Variants in ABHD17B observed in about 807,000 individuals in gnomAD.
ABHD17B encodes abhydrolase domain containing 17B, depalmitoylase, also known as alpha/beta hydrolase domain-containing protein 17B.
Under a neutral mutation model 26.2 loss-of-function variants are expected in ABHD17B, and 9 were observed. The observed-to-expected ratio is 0.34, with a 90% confidence interval of 0.21 to 0.60. The LOEUF (loss-of-function observed/expected upper bound fraction) is 0.60, where lower values mean the gene tolerates loss of function less well. Among genes scored for constraint, ABHD17B ranks in the 20% least tolerant of loss-of-function variants. The pLI is 0.80. For synonymous variants in ABHD17B, 127 were observed against 122.3 expected, an observed-to-expected ratio of 1.04 and a Z score of -0.25; for missense variants, 224 against 352.1, an observed-to-expected ratio of 0.64 and a Z score of 2.91.
intron 1 of ABHD17B, among the ~76,000 whole-genome samples, chr9:71,896,175 C>T (rs1467278524): frequency 6.6e-6 from 1 of 152,158 alleles, no homozygotes; most frequent in East Asian, 1.9e-4. Context: ...ATAAACCAAG[C>T]TGAATCTTAA....
chr9:71,878,337 A>G (rs75104735), intron 1 of ABHD17B, among the ~76,000 whole-genome samples: 12 of 152,306 alleles, frequency 7.9e-5, no homozygotes, highest in Admixed American at 5.2e-4. Context: ...AGAAAACAAC[A>G]AAATTTAATA....
intron 1 of ABHD17B, among the ~76,000 whole-genome samples, chr9:71,898,470 A>T: frequency 8.3e-6 from 1 of 119,948 alleles, no homozygotes; most frequent in East Asian, 2.7e-4. Context: ...CATCTCTACT[A>T]AAAAAAAAAA....
intron 1 of ABHD17B, among the ~76,000 whole-genome samples, chr9:71,899,213 G>A (rs1326678972): frequency 6.6e-6 from 1 of 152,126 alleles, no homozygotes; most frequent in Non-Finnish European, 1.5e-5. Context: ...GGGTAGGTGT[G>A]AAAAGTATTT....
chr9:71,874,788 T>C lies in ABHD17B; in HGVS notation c.293A>G (p.His98Arg), dbSNP rs763889864. ...TTGACCAAGATCAACAGCATTTCCA[T>C]GTGAGAAGAGTAAAGTGTATTTCGC... is the stretch of plus-strand genomic sequence containing the variant. ...PNAKYTLLFS[H>R]GNAVDLGQMS... Residue 98 changes from histidine (H) to arginine (R), a missense_variant, in exon 2 of 4, where the codon CAT becomes CGT. By Grantham distance (29) the His-to-Arg change is conservative. Coordinates refer to ENST00000333421, the MANE Select transcript of ABHD17B (RefSeq NM_001025780.3). The C allele has an allele frequency of 1.2e-6, 2 of 1,614,216 alleles. No homozygotes were observed. The highest frequency in any genetic ancestry group is 8.5e-7 in the Non-Finnish European group (1 of 1,180,034).
At chr9:71,875,122 G>T in intron 1 of ABHD17B, 39 bp from the exon 2 acceptor site, 1 of 1,477,870 alleles carries the variant, frequency 6.8e-7, no homozygotes, top group South Asian at 1.2e-5. Flanking sequence ...TTTAATAACT[G>T]AATGTAGACT....
intron 1 of ABHD17B, among the ~76,000 whole-genome samples, chr9:71,890,018 T>C (rs1826736029): frequency 1.3e-5 from 2 of 151,980 alleles, no homozygotes; most frequent in African/African-American, 2.4e-5. Flanking sequence ...CCCAGCACTT[T>C]AGGAAGCAGA....
chr9:71,909,150 C>T (rs1441059336), intron 1 of ABHD17B, among the ~76,000 whole-genome samples: 1 of 152,190 alleles, frequency 6.6e-6, no homozygotes, highest in Non-Finnish European at 1.5e-5. Flanking sequence ...GAATACTGCA[C>T]ACTAAGGGAC....
At chr9:71,876,360 T>C (rs1456726272) in intron 1 of ABHD17B, among the ~76,000 whole-genome samples, 2 of 152,190 alleles carry the variant, frequency 1.3e-5, no homozygotes, top group Non-Finnish European at 2.9e-5. Context: ...TGGTTGTGAA[T>C]ATCAAATGTT....
At chr9:71,872,787 T>C (rs374158551) in intron 2 of ABHD17B, among the ~76,000 whole-genome samples, 2 of 152,148 alleles carry the variant, frequency 1.3e-5, no homozygotes, top group Non-Finnish European at 1.5e-5. Flanking sequence ...TAAAAGATTT[T>C]TATTTAAAGC....
chr9:71,907,639 G>C (rs1187577999), intron 1 of ABHD17B, among the ~76,000 whole-genome samples: 1 of 152,072 alleles, frequency 6.6e-6, no homozygotes, highest in Non-Finnish European at 1.5e-5. Context: ...AGCCTCCCGA[G>C]TGGCTGGGAT....
chr9:71,887,602 A>G (rs751589634), intron 1 of ABHD17B, among the ~76,000 whole-genome samples: 2 of 152,252 alleles, frequency 1.3e-5, no homozygotes, highest in East Asian at 3.8e-4. Flanking sequence ...TACACAGCAT[A>G]GTATGAATAT....
At position 71,877,074 on chromosome 9, in the gene ABHD17B, C is replaced by G. The variant is rs11999173; in HGVS notation, c.-3-1991G>C. ...GCTGAGAATGATTCTAAGGCATACA[C>G]AGGGCTTAGCCAGCAAAAGATGTGA... On this transcript the variant is annotated intron_variant, in intron 1 of 3. Coordinates refer to ENST00000333421, the MANE Select transcript of ABHD17B (RefSeq NM_001025780.3). Among the ~76,000 whole-genome samples, 438 of 152,276 alleles carry G rather than the reference C, an allele frequency of 2.9e-3. 1 individual carries two copies. The highest frequency in any genetic ancestry group is 1.0e-2 in the African/African-American group (415 of 41,570).
At chr9:71,876,006 C>T (rs1470581839) in intron 1 of ABHD17B, among the ~76,000 whole-genome samples, 2 of 152,178 alleles carry the variant, frequency 1.3e-5, no homozygotes, top group Non-Finnish European at 2.9e-5. Flanking sequence ...ATTCAGAACA[C>T]GCTCAGAAGA....
At chr9:71,869,157 C>A (rs2132124878) in intron 3 of ABHD17B, among the ~76,000 whole-genome samples, 1 of 152,248 alleles carries the variant, frequency 6.6e-6, no homozygotes, top group Admixed American at 6.5e-5. Context: ...ACCCACATTA[C>A]CTGAAACAAA....
At chr9:71,902,175 C>T (rs1175927109) in intron 1 of ABHD17B, among the ~76,000 whole-genome samples, 2 of 152,176 alleles carry the variant, frequency 1.3e-5, no homozygotes, top group Non-Finnish European at 2.9e-5. Context: ...AGCTGTACTT[C>T]CTTCCGTAGG....
At chr9:71,880,864 C>G (rs1185610038) in intron 1 of ABHD17B, among the ~76,000 whole-genome samples, 2 of 151,498 alleles carry the variant, frequency 1.3e-5, no homozygotes, top group Non-Finnish European at 2.9e-5. Context: ...TAATTCCCAT[C>G]AAAATTCCAG....
intron 1 of ABHD17B, among the ~76,000 whole-genome samples, chr9:71,883,518 A>G (rs1826511996): frequency 6.6e-6 from 1 of 152,262 alleles, no homozygotes. Flanking sequence ...TCACTACATC[A>G]TGGAATACAG....
rs1825949613 is a variant in ABHD17B at position 71,866,077 on chromosome 9, A to G, written c.*710T>C. 1 of 985,424 alleles carries G rather than the reference A, an allele frequency of 1.0e-6. No homozygotes were observed. The highest frequency in any genetic ancestry group is 4.7e-5 in the South Asian group (1 of 21,294). 61.0% of individuals were successfully genotyped at this position (985,424 alleles called of 1,614,324 possible). ...AGTAACCAGCATGAAAATTTTAAGT[A>G]CTTGCCTCACAGTACCAAACTTAGA... is the stretch of plus-strand genomic sequence containing the variant. On this transcript the variant is annotated 3_prime_UTR_variant, in exon 4 of 4. Transcript: ENST00000333421.
intron 2 of ABHD17B, among the ~76,000 whole-genome samples, chr9:71,872,352 T>TA (rs1564061288): frequency 2.0e-5 from 3 of 152,100 alleles, no homozygotes; most frequent in South Asian, 2.1e-4. Flanking sequence ...TCAAATATGT[T>TA]AAAAAAATTA....
Sources: allele counts gnomAD v4.1 joint callset (sites outside exome capture counted in the v4.1 genomes callset), GRCh38; gene constraint gnomAD v4.1.1; transcripts MANE v1.5; gene names NCBI Gene and HGNC (gene_info 2026-07-23, HGNC 2026-07-21).